Variants in SMC3 observed in about 807,000 individuals in gnomAD.
SMC3 encodes structural maintenance of chromosomes protein 3.
Under a neutral mutation model 171.8 loss-of-function variants are expected in SMC3, and 20 were observed. The ratio of observed to expected loss-of-function variants is 0.12; its 90% CI spans 0.08 to 0.17. The LOEUF (loss-of-function observed/expected upper bound fraction) is 0.17. SMC3 is among the 10% of genes least tolerant of loss of function. The pLI is 1.00. For missense variants in SMC3, 543 were observed against 1,420.4 expected (o/e 0.38, Z 9.93); for synonymous variants, 464 against 451.1 (o/e 1.03, Z -0.36).
At chr10:110,584,798 AT>A (rs1240410186) in intron 13 of SMC3, among the ~76,000 whole-genome samples, 4 of 151,892 alleles carry the variant, frequency 2.6e-5, no homozygotes, top group Admixed American at 6.6e-5. Flanking sequence ...ATTTTTATTT[AT>A]TTTTTTGTAG....
intron 13 of SMC3, among the ~76,000 whole-genome samples, chr10:110,585,290 ATTT>A (rs111694406): frequency 2.4e-5 from 3 of 123,642 alleles, no homozygotes. Context: ...GATAGTAACA[ATTT>A]TTTTTTTTTT....
chr10:110,599,849 TA>T, intron 21 of SMC3, 37 bp downstream of exon 21: 2 of 1,602,034 alleles, frequency 1.2e-6, no homozygotes, highest in East Asian at 4.5e-5. Flanking sequence ...AATTCGTTAG[TA>T]ATTGGCTATT....
Position 110,589,874 on chromosome 10 carries a change from C to A in SMC3, c.1410-18C>A. On this transcript the variant is annotated intron_variant, in intron 14 of 28. Coordinates refer to ENST00000361804, the MANE Select transcript of SMC3 (RefSeq NM_005445.4). Reference sequence around the variant, plus strand: ...ATATGTGTTTAAAATTAAAGACAGTCTACTTTTTATTTATTAGCTACTTGT... The same window carrying A: ...ATATGTGTTTAAAATTAAAGACAGTATACTTTTTATTTATTAGCTACTTGT... 3 of 1,606,914 alleles carry A rather than the reference C, an allele frequency of 1.9e-6. No homozygotes were observed. Among genetic ancestry groups the A allele is most frequent in the South Asian group, 2.2e-5 (2 of 90,884 alleles).
rs569847844 is a variant in SMC3 at position 110,604,312 on chromosome 10, A to G, written c.*10A>G. ...TACCACACATGGTTAATTGGAAAAT[A>G]CTACCTACTGGTTTGGGAGATGTAT... On this transcript the variant is annotated 3_prime_UTR_variant, in exon 29 of 29. Transcript: ENST00000361804. 3 of 1,588,010 alleles carry G rather than the reference A, an allele frequency of 1.9e-6. No individual in the cohort carries two copies. Among genetic ancestry groups the G allele is most frequent in the African/African-American group, 2.7e-5 (2 of 74,498 alleles).
intron 4 of SMC3, among the ~76,000 whole-genome samples, 163 bp downstream of exon 4, chr10:110,575,566 A>C (rs530201182): frequency 3.9e-4 from 59 of 152,214 alleles, no homozygotes; most frequent in African/African-American, 1.4e-3. Context: ...AGCCTAACAT[A>C]TTAATGCCAG....
chr10:110,577,796 A>G (rs750635536), intron 5 of SMC3, 39 bp from the exon 6 acceptor site: 34 of 1,395,640 alleles, frequency 2.4e-5, no homozygotes, highest in Middle Eastern at 3.6e-4. Context: ...TTTCTCCTTT[A>G]CTATTAAATT....
intron 8 of SMC3, among the ~76,000 whole-genome samples, 168 bp downstream of exon 8, chr10:110,581,189 T>A (rs552108915): frequency 7.9e-5 from 12 of 151,156 alleles, no homozygotes; most frequent in Non-Finnish European, 1.5e-4. Flanking sequence ...TAGTAGCTTT[T>A]AAAAATATTG....
intron 19 of SMC3, 27 bp downstream of exon 19, chr10:110,596,577 TA>T (rs772099560): frequency 2.9e-5 from 46 of 1,605,590 alleles, no homozygotes; most frequent in Middle Eastern, 3.3e-4. Context: ...TGCATAGTGA[TA>T]GATATTGTGG....
chr10:110,604,217 CATTT>C lies in SMC3; in HGVS notation c.3583-10_3583-7del. ...GTAATTAACAGATTTTTGTTTTTAA[CATTT>C]ATTCTTCAGGTTAGTCATATTGATG... is the stretch of plus-strand genomic sequence containing the variant. On this transcript the variant is annotated splice_polypyrimidine_tract_variant and intron_variant, in intron 28 of 28. Coordinates refer to ENST00000361804, the MANE Select transcript of SMC3 (RefSeq NM_005445.4). The C allele has an allele frequency of 6.3e-7, 1 of 1,585,462 alleles. No homozygotes were observed. Among genetic ancestry groups the C allele is most frequent in the South Asian group, 1.1e-5 (1 of 90,546 alleles).
rs1032081033 is a variant in SMC3 at position 110,598,343 on chromosome 10, G to A, written c.2268+53G>A. On this transcript the variant is annotated intron_variant, in intron 20 of 28. Coordinates refer to ENST00000361804, the MANE Select transcript of SMC3 (RefSeq NM_005445.4). Reference sequence around the variant, plus strand: ...TCGATTGTTACAGATTAATAATATGGAAATATGAATCATACATTATATGGG... The same window carrying A: ...TCGATTGTTACAGATTAATAATATGAAAATATGAATCATACATTATATGGG... 2.0e-6 allele frequency: 3 copies of A among 1,517,662 alleles called. No homozygotes were observed. In the African/African-American group the frequency reaches 4.1e-5, roughly 21 times the overall value. The allele number at this position is 1,517,662 out of a possible 1,614,324, so 94.0% of individuals were successfully genotyped here.
At position 110,578,646 on chromosome 10, in the gene SMC3, C is replaced by T. The variant is rs779773957; in HGVS notation, c.369C>T (p.Asn123=). 30 of 1,609,442 alleles carry T rather than the reference C, an allele frequency of 1.9e-5. No individual in the cohort carries two copies. The highest frequency in any genetic ancestry group is 2.4e-5 in the Non-Finnish European group (28 of 1,177,244). Residue 123 remains asparagine, a synonymous_variant, in exon 7 of 29, where the codon AAC becomes AAT. Transcript: ENST00000361804. ...TCAACAGGAAAAATGATGTGATGAA[C>T]CTCCTTGAAAGCGCTGGTTTTTCTC... ...KKMVTKNDVM[N]LLESAGFSRS... is the part of the protein sequence containing the mutation.
At chr10:110,574,478 G>C (rs1372522283) in intron 3 of SMC3, among the ~76,000 whole-genome samples, 1 of 152,218 alleles carries the variant, frequency 6.6e-6, no homozygotes, top group African/African-American at 2.4e-5. Context: ...AAGAACAAAG[G>C]TTCTATCTCT....
chr10:110,596,676 G>GT, intron 19 of SMC3, 126 bp downstream of exon 19: 1 of 879,440 alleles, frequency 1.1e-6, no homozygotes, highest in Middle Eastern at 3.6e-4. Flanking sequence ...AAGAGCTTAT[G>GT]TTTGTTTAGC....
chr10:110,586,123 T>C (rs772304643), intron 13 of SMC3, among the ~76,000 whole-genome samples: 2 of 152,014 alleles, frequency 1.3e-5, no homozygotes, highest in Non-Finnish European at 2.9e-5. Flanking sequence ...ATTTGCCCAC[T>C]TTAAGTTTTT....
At chr10:110,580,061 A>G (rs1034927984) in intron 7 of SMC3, among the ~76,000 whole-genome samples, 5 of 152,216 alleles carry the variant, frequency 3.3e-5, no homozygotes, top group African/African-American at 9.6e-5. Flanking sequence ...TTAAAACAGT[A>G]CAATAAGAAA....
intron 16 of SMC3, 84 bp from the exon 17 acceptor site, chr10:110,590,907 T>C: frequency 8.1e-7 from 1 of 1,231,264 alleles, no homozygotes; most frequent in Non-Finnish European, 1.2e-6. Context: ...TGCAGGAGGC[T>C]GAGGTGGGAG....
intron 13 of SMC3, among the ~76,000 whole-genome samples, chr10:110,588,141 G>T (rs1322110977): frequency 3.3e-5 from 5 of 152,112 alleles, no homozygotes; most frequent in African/African-American, 9.7e-5. Context: ...ACAGGCGTGT[G>T]CCATCACGCC....
intron 28 of SMC3, 81 bp from the exon 29 acceptor site, chr10:110,604,150 G>T: frequency 7.2e-5 from 45 of 627,888 alleles, no homozygotes; most frequent in East Asian, 1.4e-4. Flanking sequence ...AAATGTAGTT[G>T]ATAGGCTGTA....
Position 110,581,993 on chromosome 10 carries a change from A to C in SMC3, c.618A>C (p.Glu206Asp), listed in dbSNP as rs1861038152. ...IEERLHTLEE[E>D]KEELAQYQKW... ...AGAGATTACATACTCTAGAGGAAGA[A>C]AAGGAAGAACTAGCTCAGTATCAGA... The change falls in exon 9 of 29, where the codon GAA becomes GAC. Residue 206 changes from glutamate to aspartate, a missense_variant. Glu to Asp is a conservative substitution (Grantham distance 45). This residue lies in a region of SMC3 where 146 missense variants were observed against 437.9 expected (regional missense o/e 0.33). Coordinates refer to ENST00000361804, the MANE Select transcript of SMC3 (RefSeq NM_005445.4). The C allele has an allele frequency of 6.2e-7, 1 of 1,613,470 alleles. No homozygotes were observed. The highest frequency in any genetic ancestry group is 1.3e-5 in the African/African-American group (1 of 74,924).
Sources: allele counts gnomAD v4.1 joint callset (sites outside exome capture counted in the v4.1 genomes callset), GRCh38; gene constraint gnomAD v4.1.1; regional missense constraint gnomAD v4.1.1; transcripts MANE v1.5; gene names NCBI Gene and HGNC (gene_info 2026-07-23, HGNC 2026-07-21).